Variants in CDH3 observed in about 807,000 individuals in gnomAD.
CDH3 encodes cadherin 3.
In CDH3, 54 loss-of-function variants were observed where a neutral mutation model predicts 82.0. That is an observed-to-expected ratio of 0.66 (90% confidence interval 0.53 to 0.83). The LOEUF (loss-of-function observed/expected upper bound fraction) is 0.83. CDH3 is among the 40% of genes least tolerant of loss of function. CDH3 has a pLI of 0.00. For missense variants in CDH3, 1,054 were observed against 1,084.6 expected, an observed-to-expected ratio of 0.97 and a Z score of 0.40; for synonymous variants, 446 against 437.9, an observed-to-expected ratio of 1.02 and a Z score of -0.23.
At chr16:68,720,381 T>G (rs1962146946) in intron 1 of CDH3, among the ~76,000 whole-genome samples, 1 of 152,090 alleles carries the variant, frequency 6.6e-6, no homozygotes, top group African/African-American at 2.4e-5. Context: ...AATCTAAAGT[T>G]TGTCAAGCCC....
chr16:68,683,822 C>T (rs1167439542), intron 9 of CDH3, among the ~76,000 whole-genome samples: 2 of 151,674 alleles, frequency 1.3e-5, no homozygotes, highest in African/African-American at 4.8e-5. Flanking sequence ...AATCCTAGCA[C>T]TTTGGGAGGC....
intron 13 of CDH3, 102 bp downstream of exon 13, chr16:68,692,028 C>T: frequency 3.6e-6 from 3 of 832,724 alleles, no homozygotes; most frequent in South Asian, 3.3e-5. Flanking sequence ...ACCAACATTG[C>T]CCGTCCACTC....
rs1432538309 is a variant in CDH3, at chr16:68,695,846, G to A, written c.2203G>A (p.Ala735Thr). The change falls in exon 15 of 16, where the codon GCA becomes ACA. Residue 735 changes from alanine to threonine, a missense_variant. By Grantham distance (58) the Ala-to-Thr change is moderately conservative. Coordinates refer to ENST00000264012, the MANE Select transcript of CDH3 (RefSeq NM_001793.6). ...RPEVVLRNDVAPTIIPTPMYR... is the reference protein window; with the variant it reads ...RPEVVLRNDVTPTIIPTPMYR... ...GGAGGTGGTTCTCCGCAATGACGTG[G>A]CACCAACCATCATCCCGACACCCAT... The A allele has an allele frequency of 1.2e-6, 2 of 1,613,912 alleles. No individual in the cohort carries two copies. Among genetic ancestry groups the A allele is most frequent in the Admixed American group, 1.7e-5 (1 of 59,986 alleles).
chr16:68,671,667 G>A (rs113555229), intron 2 of CDH3, among the ~76,000 whole-genome samples: 16 of 151,758 alleles, frequency 1.1e-4, no homozygotes, highest in African/African-American at 2.9e-4. Flanking sequence ...GACTACAGGC[G>A]CAGGCCACCA....
intron 1 of CDH3, among the ~76,000 whole-genome samples, chr16:68,712,839 G>A (rs979417235): frequency 2.0e-5 from 3 of 152,094 alleles, no homozygotes; most frequent in Non-Finnish European, 4.4e-5. Context: ...GTGCCACCAT[G>A]CCCAGCTAAT....
chr16:68,654,733 T>C (rs1960367227), intron 2 of CDH3, among the ~76,000 whole-genome samples: 1 of 139,930 alleles, frequency 7.1e-6, no homozygotes, highest in South Asian at 2.2e-4. Flanking sequence ...TATATATATA[T>C]ATTTATTTTT....
Position 68,687,586 on chromosome 16 carries a change from G to C in CDH3, c.1645G>C (p.Glu549Gln). ...IDVNDHGPVP[E>Q]PRQITICNQS... ...TGTCAATGACCATGGCCCAGTCCCT[G>C]AGCCCCGTCAGATCACCATCTGCAA... The change falls in exon 12 of 16, where the codon GAG (glutamate) becomes CAG (glutamine). Residue 549 changes from glutamate (E) to glutamine (Q), a missense_variant. Glu to Gln is a conservative substitution (Grantham distance 29). Transcript: ENST00000264012. 6.2e-7 allele frequency: 1 copy of C among 1,614,120 alleles called. No homozygotes were observed. Among genetic ancestry groups the C allele is most frequent in the Non-Finnish European group, 8.5e-7 (1 of 1,180,014 alleles).
chr16:68,665,351 G>A (rs533845236), intron 2 of CDH3, among the ~76,000 whole-genome samples: 1 of 152,182 alleles, frequency 6.6e-6, no homozygotes, highest in Admixed American at 6.5e-5. Flanking sequence ...CAAGTGAGCC[G>A]AGATCATGCC....
intron 3 of CDH3, 91 bp downstream of exon 3, chr16:68,676,561 A>G (rs1961041240): frequency 2.0e-6 from 2 of 988,486 alleles, no homozygotes; most frequent in Admixed American, 1.8e-5. Context: ...TGCTGTGGCC[A>G]TTGTGAGCCA....
intron 3 of CDH3, 66 bp from the exon 4 acceptor site, chr16:68,678,068 G>A: frequency 1.4e-6 from 2 of 1,442,618 alleles, no homozygotes; most frequent in South Asian, 1.1e-5. Context: ...ACTCTTATAG[G>A]TGAGAGGATG....
At chr16:68,664,441 G>A (rs931663700) in intron 2 of CDH3, among the ~76,000 whole-genome samples, 1 of 152,216 alleles carries the variant, frequency 6.6e-6, no homozygotes, top group South Asian at 2.1e-4. Context: ...GCAACAAACT[G>A]CTTTCCCCAG....
chr16:68,651,837 C>T (rs908444628), intron 2 of CDH3: 1 of 494,508 alleles, frequency 2.0e-6, no homozygotes, highest in Non-Finnish European at 4.1e-6. Flanking sequence ...GCTGGTGAGT[C>T]CCTCGATCCA....
In CDH3 at chr16:68,688,172, G is replaced by A. The variant is rs1961468826; in HGVS notation, c.1795+436G>A. Among the ~76,000 whole-genome samples, 3 of 151,230 alleles carry A rather than the reference G, an allele frequency of 2.0e-5. No homozygotes were observed. The South Asian group carries it at 6.3e-4, about 32-fold the overall frequency. ...GTTGGGCTAGAATGGTCTTTTAGGGGTCCTGTGGAATTCCAAAGACCTCCA... is the reference window on the plus strand; with the variant it reads ...GTTGGGCTAGAATGGTCTTTTAGGGATCCTGTGGAATTCCAAAGACCTCCA... On this transcript the variant is annotated intron_variant, in intron 12 of 15. Coordinates refer to ENST00000264012, the MANE Select transcript of CDH3 (RefSeq NM_001793.6).
chr16:68,646,770 G>A (rs1960085383), intron 2 of CDH3, among the ~76,000 whole-genome samples: 1 of 152,032 alleles, frequency 6.6e-6, no homozygotes, highest in South Asian at 2.1e-4. Flanking sequence ...TTTTTAGGGG[G>A]AAGGAACCGT....
chr16:68,675,139 A>G (rs1960994592), intron 2 of CDH3, among the ~76,000 whole-genome samples: 1 of 152,040 alleles, frequency 6.6e-6, no homozygotes, highest in Non-Finnish European at 1.5e-5. Flanking sequence ...TAAAAATTGA[A>G]AGAAAAAAAA....
At chr16:68,691,961 G>C (rs758357630) in intron 13 of CDH3, 35 bp downstream of exon 13, 1 of 1,560,468 alleles carries the variant, frequency 6.4e-7, no homozygotes, top group African/African-American at 1.4e-5. Flanking sequence ...CCCTGAGGAT[G>C]GGGGAGTTGA....
At chr16:68,724,452 G>A (rs1454569895) in intron 2 of CDH3, among the ~76,000 whole-genome samples, 3 of 151,734 alleles carry the variant, frequency 2.0e-5, no homozygotes, top group Non-Finnish European at 4.4e-5. Context: ...GCACCTGACT[G>A]TACAGAAAAT....
At chr16:68,679,108 T>C (rs1483994810) in intron 6 of CDH3, among the ~76,000 whole-genome samples, 1 of 152,196 alleles carries the variant, frequency 6.6e-6, no homozygotes, top group Non-Finnish European at 1.5e-5. Flanking sequence ...TATTTGAAAT[T>C]TTCCCTAAAG....
intron 2 of CDH3, among the ~76,000 whole-genome samples, chr16:68,672,027 A>G (rs113613219): frequency 9.9e-5 from 15 of 152,192 alleles, no homozygotes; most frequent in African/African-American, 2.9e-4. Context: ...GAACTTGAAA[A>G]TAAGTTTCTG....
Sources: allele counts gnomAD v4.1 joint callset (sites outside exome capture counted in the v4.1 genomes callset), GRCh38; gene constraint gnomAD v4.1.1; transcripts MANE v1.5; gene names NCBI Gene and HGNC (gene_info 2026-07-23, HGNC 2026-07-21).